KAZN: variants seen among roughly 807,000 people sequenced by gnomAD.
KAZN encodes kazrin.
A neutral mutation model predicts 87.4 loss-of-function variants in KAZN; 40 were observed. The ratio of observed to expected loss-of-function variants is 0.46; its 90% CI spans 0.36 to 0.60. The LOEUF (loss-of-function observed/expected upper bound fraction) is 0.60, where lower values mean the gene tolerates loss of function less well. Among genes scored for constraint, KAZN ranks in the 20% least tolerant of loss-of-function variants. KAZN has a pLI of 0.00. For missense variants in KAZN, 898 were observed against 1,073.9 expected, an observed-to-expected ratio of 0.84 and a Z score of 2.29; for synonymous variants, 466 against 458.3, an observed-to-expected ratio of 1.02 and a Z score of -0.22.
rs1671087919 is a variant in KAZN, at chr1:14,514,330, A to AAATATATATATATATATT, written c.250-84653_250-84652insAATATATATATATATATT. ...ACAGAGCAAGACTCTGTCTCAAAAA[A>AAATATATATATATATATT]TTTATATATATATTTATATATATTA... On this transcript the variant is annotated intron_variant, in intron 2 of 16. Coordinates refer to the KAZN transcript ENST00000636203. 4.2e-3 allele frequency among the ~76,000 whole-genome samples: 55 copies of AAATATATATATATATATT among 12,972 alleles called. 4 individuals are homozygous for AAATATATATATATATATT. The highest frequency in any genetic ancestry group is 0.011 in the African/African-American group (54 of 5,096). The allele number at this position is 12,972 out of a possible 152,430, so 8.5% of individuals were successfully genotyped here. A position where few individuals can be genotyped will look rare whatever the true frequency, so the allele number is the denominator to read the frequency against.
chr1:14,413,593 GAAAA>G (rs1169921344), intron 2 of KAZN, among the ~76,000 whole-genome samples: 188 of 66,086 alleles, frequency 2.8e-3, no homozygotes, highest in African/African-American at 7.9e-3. Flanking sequence ...CGTCTCAAAA[GAAAA>G]AAAAAAAAAA....
intron 2 of KAZN, among the ~76,000 whole-genome samples, chr1:14,514,599 A>ATATTTTTTTATATTT (rs1671192509): frequency 9.7e-5 from 3 of 30,814 alleles, no homozygotes; most frequent in Admixed American, 7.1e-4. Context: ...TATATTTTAT[A>ATATTTTTTTATATTT]TATATATATA....
At position 14,045,109 on chromosome 1, in the gene KAZN, T is replaced by A. The variant is rs536064449; in HGVS notation, c.92-135326T>A. 9.4e-4 allele frequency among the ~76,000 whole-genome samples: 143 copies of A among 152,216 alleles called. 6 individuals carry two copies. The highest frequency in any genetic ancestry group is 5.9e-4 in the Non-Finnish European group (40 of 68,044). The stretch of plus-strand genomic sequence containing the variant: ...GCCAAAGCCATCTTGGAAGTAGATC[T>A]TCCAGCCTCAGCCACCTCAGCTGAG... On this transcript the variant is annotated intron_variant, in intron 1 of 16. Transcript: ENST00000636203.
chr1:14,619,540 G>A (rs1327601516), intron 1 of KAZN, among the ~76,000 whole-genome samples: 11 of 152,132 alleles, frequency 7.2e-5, no homozygotes, highest in African/African-American at 1.9e-4. Flanking sequence ...TACACATAAC[G>A]GAAAATTTGC....
intron 2 of KAZN, among the ~76,000 whole-genome samples, chr1:14,256,964 T>C (rs1390268580): frequency 1.3e-5 from 2 of 152,158 alleles, no homozygotes; most frequent in Non-Finnish European, 2.9e-5. Flanking sequence ...AGTCCTTGCT[T>C]GATTCCCACA....
intron 13 of KAZN, among the ~76,000 whole-genome samples, chr1:15,109,727 CTG>C (rs148757321): frequency 2.0e-5 from 3 of 150,622 alleles, no homozygotes; most frequent in Non-Finnish European, 4.4e-5. Flanking sequence ...GTGTATATAT[CTG>C]TGTGTATGTG....
chr1:14,871,792 T>C (rs1234883547), intron 1 of KAZN, among the ~76,000 whole-genome samples: 3 of 151,924 alleles, frequency 2.0e-5, no homozygotes, highest in African/African-American at 7.3e-5. Flanking sequence ...AGTCACAGGC[T>C]CACATGCTGA....
At chr1:15,018,956 C>CA (rs1670394911) in intron 2 of KAZN, among the ~76,000 whole-genome samples, 1 of 152,218 alleles carries the variant, frequency 6.6e-6, no homozygotes, top group Non-Finnish European at 1.5e-5. Flanking sequence ...CAGAGTTAAA[C>CA]ACTGAGGCCC....
At position 14,662,944 on chromosome 1, in the gene KAZN, A is replaced by AATATATATAT. The variant is rs3085966; in HGVS notation, c.226+63726_226+63735dup. On this transcript the variant is annotated intron_variant, in intron 1 of 14. Transcript: ENST00000376030. ...TATATATGTATATATTATATATGTA[A>AATATATATAT]ATATATATATATATGCACACATATA... Among the ~76,000 whole-genome samples, 432 of 142,842 alleles carry AATATATATAT rather than the reference A, an allele frequency of 3.0e-3. 3 individuals carry two copies. Among genetic ancestry groups the AATATATATAT allele is most frequent in the African/African-American group, 0.011 (413 of 38,568 alleles). 93.7% of individuals were successfully genotyped at this position (142,842 alleles called of 152,430 possible). A position where few individuals can be genotyped will look rare whatever the true frequency, so the allele number is the denominator to read the frequency against.
At chr1:14,243,283 T>G (rs909813355) in intron 2 of KAZN, among the ~76,000 whole-genome samples, 7 of 152,182 alleles carry the variant, frequency 4.6e-5, no homozygotes, top group Non-Finnish European at 8.8e-5. Context: ...ACCTGAAGAA[T>G]CAGGCTCTCT....
intron 1 of KAZN, among the ~76,000 whole-genome samples, chr1:13,921,953 C>T (rs1236272741): frequency 6.6e-6 from 1 of 152,102 alleles, no homozygotes; most frequent in Non-Finnish European, 1.5e-5. Context: ...ATTTTTATTA[C>T]AGTCTATGAT....
chr1:14,558,453 A>T (rs978023775), intron 2 of KAZN, among the ~76,000 whole-genome samples: 3 of 152,144 alleles, frequency 2.0e-5, no homozygotes, highest in African/African-American at 7.2e-5. Flanking sequence ...GTTTGTTGGG[A>T]GGTCCTTGGA....
intron 1 of KAZN, among the ~76,000 whole-genome samples, chr1:14,035,594 C>T (rs1641518928): frequency 7.7e-6 from 1 of 130,494 alleles, no homozygotes; most frequent in African/African-American, 2.9e-5. Flanking sequence ...CTCAGCCCCT[C>T]AAGTAGCTGG....
At chr1:14,991,216 T>G (rs962734857) in intron 2 of KAZN, among the ~76,000 whole-genome samples, 7 of 151,700 alleles carry the variant, frequency 4.6e-5, no homozygotes, top group Admixed American at 6.6e-5. Flanking sequence ...TATCCGGGCG[T>G]GGTGGTGGGC....
In KAZN at chr1:14,598,685, C is replaced by T. The variant is rs767333470; in HGVS notation, c.-313C>T. The T allele has an allele frequency of 1.8e-5, 23 of 1,288,894 alleles. No individual in the cohort carries two copies. The highest frequency in any genetic ancestry group is 2.1e-5 in the Non-Finnish European group (22 of 1,024,280). The allele number at this position is 1,288,894 out of a possible 1,614,324, so 79.8% of individuals were successfully genotyped here. On this transcript the variant is annotated 5_prime_UTR_variant, in exon 1 of 15. Coordinates refer to ENST00000376030, the MANE Select transcript of KAZN (RefSeq NM_201628.3). The surrounding 1 kb of genome is among the most constrained non-coding windows in gnomAD (Gnocchi z 4.2). ...AGAGTGCCTGGTGGCGCGCGGTGTC[C>T]TTCTTGGAGCAGCTCTCGGCGCCCG...
chr1:14,961,070 C>G (rs1663802469), intron 2 of KAZN, among the ~76,000 whole-genome samples, 195 bp downstream of exon 2: 1 of 152,232 alleles, frequency 6.6e-6, no homozygotes, highest in African/African-American at 2.4e-5. Context: ...ATTCCTTCCT[C>G]CAGTGTGACC....
chr1:14,337,844 A>G (rs2100895261), intron 2 of KAZN, among the ~76,000 whole-genome samples: 1 of 151,220 alleles, frequency 6.6e-6, no homozygotes, highest in African/African-American at 2.4e-5. Flanking sequence ...TGATGAGCCA[A>G]GATTGAATCA....
intron 1 of KAZN, among the ~76,000 whole-genome samples, chr1:14,883,373 A>AAGAAAGAAAG (rs1557586566): frequency 1.8e-5 from 2 of 108,900 alleles, no homozygotes; most frequent in African/African-American, 6.8e-5. Context: ...GAAAGAAAGA[A>AAGAAAGAAAG]AGAAAGAAAG....
At chr1:14,858,912 C>T (rs953106754) in intron 1 of KAZN, among the ~76,000 whole-genome samples, 1 of 152,126 alleles carries the variant, frequency 6.6e-6, no homozygotes, top group African/African-American at 2.4e-5. Context: ...TAAAATTTCT[C>T]ATCTTCCATG....
Sources: allele counts gnomAD v4.1 joint callset (sites outside exome capture counted in the v4.1 genomes callset), GRCh38; gene constraint gnomAD v4.1.1; non-coding constraint Gnocchi (gnomAD v3.1); transcripts MANE v1.5; gene names NCBI Gene and HGNC (gene_info 2026-07-23, HGNC 2026-07-21).